MCOLN2: variants seen among roughly 807,000 people sequenced by gnomAD.
MCOLN2 encodes mucolipin TRP cation channel 2, also known as mucolipin-2.
Under a neutral mutation model 67.5 loss-of-function variants are expected in MCOLN2, and 57 were observed. The ratio of observed to expected loss-of-function variants is 0.84; its 90% CI spans 0.68 to 1.05. The LOEUF (loss-of-function observed/expected upper bound fraction) is 1.05, where lower values mean the gene tolerates loss of function less well. Among genes scored for constraint, MCOLN2 ranks in the 50% least tolerant of loss-of-function variants. MCOLN2 has a pLI of 0.00. For synonymous variants in MCOLN2, 246 were observed against 233.3 expected (o/e 1.05, Z -0.50); for missense variants, 620 against 678.8 (o/e 0.91, Z 0.96).
At chr1:84,974,466 A>C (rs1557658156) in intron 1 of MCOLN2, among the ~76,000 whole-genome samples, 1 of 151,968 alleles carries the variant, frequency 6.6e-6, no homozygotes, top group East Asian at 2.0e-4. Context: ...ACAGCATGAT[A>C]GGGTCAGAGT....
intron 1 of MCOLN2, among the ~76,000 whole-genome samples, chr1:84,993,585 TATA>T (rs1650996705): frequency 6.6e-6 from 1 of 151,672 alleles, no homozygotes; most frequent in Non-Finnish European, 1.5e-5. Context: ...GATGGCAACC[TATA>T]ATGTTACAAA....
intron 1 of MCOLN2, among the ~76,000 whole-genome samples, chr1:84,970,682 CATAA>C (rs1649632968): frequency 6.6e-6 from 1 of 152,024 alleles, no homozygotes; most frequent in Non-Finnish European, 1.5e-5. Context: ...GACTCAGTCT[CATAA>C]ATAAATAAAT....
chr1:84,985,998 A>C (rs1451879658), intron 1 of MCOLN2, among the ~76,000 whole-genome samples: 2 of 152,218 alleles, frequency 1.3e-5, no homozygotes, highest in Admixed American at 1.3e-4. Context: ...AAGACTAAGC[A>C]AAAAGAACAA....
At chr1:84,941,139 G>A (rs11577224) in intron 7 of MCOLN2, 148 bp from the exon 8 acceptor site, 23 of 608,204 alleles carry the variant, frequency 3.8e-5, no homozygotes, top group South Asian at 8.1e-5. Context: ...AAATCACACC[G>A]CATTCATTCA....
At position 84,927,024 on chromosome 1, in the gene MCOLN2, G is replaced by A. The variant is rs1041898124; in HGVS notation, c.1665-303C>T. 4.7e-5 allele frequency among the ~76,000 whole-genome samples: 7 copies of A among 150,166 alleles called. No homozygotes were observed. The Middle Eastern group carries it at 0.01, about 222-fold the overall frequency. On this transcript the variant is annotated intron_variant, in intron 13 of 13. Coordinates refer to ENST00000370608, the MANE Select transcript of MCOLN2 (RefSeq NM_153259.4). ...CCATGCCCCCAGGGAGGGGAACATC[G>A]CACACGGGGAAATGTTGGGGGGTAG...
At chr1:84,956,119 C>T (rs905111450) in intron 4 of MCOLN2, among the ~76,000 whole-genome samples, 5 of 151,642 alleles carry the variant, frequency 3.3e-5, no homozygotes, top group Non-Finnish European at 5.9e-5. Flanking sequence ...ACATACAGAC[C>T]GTTTTTTCAG....
chr1:84,994,917 G>C (rs1651074180), intron 1 of MCOLN2, among the ~76,000 whole-genome samples: 1 of 152,122 alleles, frequency 6.6e-6, no homozygotes, highest in African/African-American at 2.4e-5. Flanking sequence ...TAAAGTAAGA[G>C]ACCTGTGATT....
intron 6 of MCOLN2, among the ~76,000 whole-genome samples, chr1:84,947,837 T>A (rs1648199499): frequency 6.6e-6 from 1 of 152,220 alleles, no homozygotes; most frequent in Admixed American, 6.5e-5. Flanking sequence ...TCTACCATGT[T>A]CACAAAGGTG....
In MCOLN2 at chr1:84,945,296, T is replaced by C. The variant is rs188446991; in HGVS notation, c.847+1737A>G. ...TATAATGATATTCCAAATCACATAT[T>C]TGACAAAGGTTAGTTTCTTTTCACA... is the stretch of plus-strand genomic sequence containing the variant. On this transcript the variant is annotated intron_variant, in intron 7 of 13. Coordinates refer to ENST00000370608, the MANE Select transcript of MCOLN2 (RefSeq NM_153259.4). 4.3e-4 allele frequency among the ~76,000 whole-genome samples: 65 copies of C among 152,326 alleles called. 1 individual carries two copies. Among genetic ancestry groups the C allele is most frequent in the Non-Finnish European group, 7.3e-5 (5 of 68,028 alleles).
chr1:84,949,521 G>C (rs1323670709), intron 6 of MCOLN2, among the ~76,000 whole-genome samples: 1 of 152,068 alleles, frequency 6.6e-6, no homozygotes, highest in African/African-American at 2.4e-5. Context: ...GGTGCCTGTA[G>C]TCCCAGCTAC....
chr1:84,965,419 G>A (rs924109608), intron 2 of MCOLN2, 130 bp downstream of exon 2: 3 of 921,230 alleles, frequency 3.3e-6, no homozygotes, highest in African/African-American at 3.4e-5. Context: ...CTGCTCTCCA[G>A]AGTCAATATA....
chr1:84,981,677 G>C (rs141289110), intron 1 of MCOLN2, among the ~76,000 whole-genome samples: 32 of 152,280 alleles, frequency 2.1e-4, no homozygotes, highest in African/African-American at 6.3e-4. Context: ...GTGGCAGAGA[G>C]GTGGGGGATA....
intron 11 of MCOLN2, among the ~76,000 whole-genome samples, chr1:84,934,831 T>C (rs1335945649): frequency 6.6e-6 from 1 of 152,228 alleles, no homozygotes; most frequent in Non-Finnish European, 1.5e-5. Context: ...CCATTAGTGC[T>C]GGGAATACAC....
chr1:84,943,569 T>C (rs72718779), intron 7 of MCOLN2, among the ~76,000 whole-genome samples: 4,546 of 151,362 alleles, frequency 0.03, 103 homozygotes, highest in Non-Finnish European at 0.051. Context: ...AGAGACAGCA[T>C]TGAAGAGAAA....
chr1:84,929,919 G>A (rs1196829573), intron 12 of MCOLN2: 2 of 299,220 alleles, frequency 6.7e-6, no homozygotes, highest in Admixed American at 4.9e-5. Flanking sequence ...GAAGAGCCAG[G>A]GAGAGGTTTT....
chr1:84,965,904 T>G (rs778051185), intron 1 of MCOLN2, among the ~76,000 whole-genome samples, 196 bp from the exon 2 acceptor site: 3 of 151,988 alleles, frequency 2.0e-5, no homozygotes, highest in Non-Finnish European at 4.4e-5. Flanking sequence ...ACATGAAAAA[T>G]TATTCCAGAC....
At chr1:84,974,843 T>C (rs1368638482) in intron 1 of MCOLN2, among the ~76,000 whole-genome samples, 2 of 152,090 alleles carry the variant, frequency 1.3e-5, no homozygotes, top group African/African-American at 4.8e-5. Flanking sequence ...ACAACCTTCA[T>C]GACAAGCTGA....
chr1:84,974,955 G>A (rs1298881929), intron 1 of MCOLN2, among the ~76,000 whole-genome samples: 2 of 152,154 alleles, frequency 1.3e-5, no homozygotes, highest in Non-Finnish European at 2.9e-5. Flanking sequence ...CTCTGCTTTT[G>A]GAGGAGGGGA....
intron 6 of MCOLN2, among the ~76,000 whole-genome samples, chr1:84,948,759 T>C (rs916453600): frequency 3.3e-5 from 5 of 152,224 alleles, no homozygotes; most frequent in African/African-American, 7.2e-5. Context: ...AACAAAAATC[T>C]TGGAGCTGAA....
Sources: allele counts gnomAD v4.1 joint callset (sites outside exome capture counted in the v4.1 genomes callset), GRCh38; gene constraint gnomAD v4.1.1; transcripts MANE v1.5; gene names NCBI Gene and HGNC (gene_info 2026-07-23, HGNC 2026-07-21).